The following SPRY3 variants were observed in gnomAD, a reference collection of about 807,000 sequenced individuals.
SPRY3 encodes protein sprouty homolog 3.
In SPRY3, 15 loss-of-function variants were observed where a neutral mutation model predicts 20.2. The ratio of observed to expected loss-of-function variants is 0.74; its 90% CI spans 0.50 to 1.14. The LOEUF is 1.14. SPRY3 is among the 50% of genes most tolerant of loss of function. The pLI, the probability that SPRY3 is intolerant of heterozygous loss-of-function variation, is 0.00. For synonymous variants in SPRY3, 143 were observed against 136.5 expected, an observed-to-expected ratio of 1.05 and a Z score of -0.33; for missense variants, 364 against 363.9, an observed-to-expected ratio of 1.00 and a Z score of 0.00.
At chrX:155,733,311 G>T (rs2091146567) in intron 2 of SPRY3, among the ~76,000 whole-genome samples, 1 of 149,724 alleles carries the variant, frequency 6.7e-6, no homozygotes, top group African/African-American at 2.5e-5. Flanking sequence ...CATAGTAGGT[G>T]GGTATGTATA....
At chrX:155,650,490 C>A (rs1335647010) in intron 1 of SPRY3, among the ~76,000 whole-genome samples, 1 of 111,265 alleles carries the variant, frequency 9.0e-6, no homozygotes, top group Non-Finnish European at 1.9e-5. Flanking sequence ...GATTTATGAC[C>A]CAGCATATGC....
chrX:155,754,933 A>C (rs945759319), intron 2 of SPRY3, among the ~76,000 whole-genome samples: 1 of 151,392 alleles, frequency 6.6e-6, no homozygotes, highest in Non-Finnish European at 1.5e-5. Context: ...ATATTGATTA[A>C]TCTTGTATAT....
At chrX:155,750,736 G>A (rs766954297) in intron 2 of SPRY3, among the ~76,000 whole-genome samples, 1 of 151,970 alleles carries the variant, frequency 6.6e-6, no homozygotes, top group African/African-American at 2.4e-5. Context: ...GGAGAGAGCA[G>A]ATGGTATAAA....
intron 1 of SPRY3, among the ~76,000 whole-genome samples, chrX:155,616,980 G>C (rs1557348957): frequency 9.2e-6 from 1 of 108,786 alleles, no homozygotes; most frequent in African/African-American, 3.4e-5. Context: ...ATTGGATTAG[G>C]ATAATTTATA....
intron 2 of SPRY3, among the ~76,000 whole-genome samples, chrX:155,676,122 C>T (rs1557355211): frequency 9.0e-6 from 1 of 110,854 alleles, no homozygotes; most frequent in East Asian, 2.8e-4. Flanking sequence ...GTGCCTCTCT[C>T]ATTCTCCATG....
chrX:155,756,393 G>A (rs1400064912), intron 2 of SPRY3, among the ~76,000 whole-genome samples: 2 of 152,088 alleles, frequency 1.3e-5, no homozygotes, highest in Non-Finnish European at 2.9e-5. Context: ...ACACCATGTG[G>A]CCAGGTGCTT....
intron 2 of SPRY3, among the ~76,000 whole-genome samples, chrX:155,755,595 A>G (rs2124586764): frequency 6.6e-6 from 1 of 152,250 alleles, no homozygotes; most frequent in East Asian, 1.9e-4. Context: ...TTATGTATAT[A>G]AAATACCTGA....
chrX:155,679,732 C>T (rs900796857), intron 2 of SPRY3, among the ~76,000 whole-genome samples: 1 of 111,813 alleles, frequency 8.9e-6, no homozygotes, highest in South Asian at 3.7e-4. Context: ...TACTAGCAGT[C>T]TGTATTAGCC....
At chrX:155,758,539 G>A (rs1265202035) in intron 2 of SPRY3, among the ~76,000 whole-genome samples, 7 of 152,278 alleles carry the variant, frequency 4.6e-5, no homozygotes, top group African/African-American at 1.4e-4. Context: ...GCTGAATCAG[G>A]ATGTCCACAG....
chrX:155,768,459 C>G (rs1451719942), intron 3 of SPRY3, among the ~76,000 whole-genome samples: 1 of 152,108 alleles, frequency 6.6e-6, no homozygotes, highest in Non-Finnish European at 1.5e-5. Context: ...CTAAACCCCT[C>G]AAAACGCAGC....
intron 2 of SPRY3, among the ~76,000 whole-genome samples, chrX:155,728,321 G>T: frequency 6.6e-6 from 1 of 152,296 alleles, no homozygotes; most frequent in African/African-American, 2.4e-5. Context: ...ACGCCATACT[G>T]TGAGAACCAC....
chrX:155,778,434 TATG>T (rs1315765549), downstream of SPRY3: 8 of 167,070 alleles, frequency 4.8e-5, no homozygotes, highest in African/African-American at 1.7e-4. Context: ...TTTCTTAGCT[TATG>T]ATGTAGAGCT....
chrX:155,680,585 G>C (rs768999277), intron 2 of SPRY3, among the ~76,000 whole-genome samples: 6 of 111,298 alleles, frequency 5.4e-5, no homozygotes, highest in South Asian at 3.8e-4. Context: ...TGGCAGGAAA[G>C]AGATGATCAG....
At chrX:155,762,936 C>A (rs1249366185) in intron 2 of SPRY3, among the ~76,000 whole-genome samples, 1 of 152,130 alleles carries the variant, frequency 6.6e-6, no homozygotes, top group African/African-American at 2.4e-5. Context: ...CAGCACTATT[C>A]ACAATGGCAA....
intron 2 of SPRY3, among the ~76,000 whole-genome samples, chrX:155,704,807 T>A (rs1028122970): frequency 2.6e-5 from 4 of 151,332 alleles, no homozygotes; most frequent in African/African-American, 7.3e-5. Flanking sequence ...AAAAAGATAA[T>A]AACAGCAGAC....
rs181808341 is a variant in SPRY3 at position 155,741,857 on chromosome X, G to A, written c.-281-26105G>A. Among the ~76,000 whole-genome samples, 1,420 of 152,162 alleles carry A rather than the reference G, an allele frequency of 9.3e-3. 26 individuals are homozygous for A. The highest frequency in any genetic ancestry group is 0.033 in the African/African-American group (1,353 of 41,496). On this transcript the variant is annotated intron_variant, in intron 2 of 3. Transcript: ENST00000675360. ...GCTCCTGAAGGAAGCACTAAATATG[G>A]AAAGGAAAAATCTTTGCCAGCCACT...
At chrX:155,773,308 A>C (rs2785887) in intron 3 of SPRY3, among the ~76,000 whole-genome samples, 1 of 47,608 alleles carries the variant, frequency 2.1e-5, no homozygotes, top group South Asian at 7.3e-4. Flanking sequence ...TTTTGATTGG[A>C]TATATATATA....
Position 155,691,892 on chromosome X carries a change from T to C in SPRY3, c.-282+34867T>C, listed in dbSNP as rs895577944. The stretch of plus-strand genomic sequence containing the variant: ...TGTACTCTAGATTTTTTTATTTCCA[T>C]CTAACTATATGTTTTTTAAGATGGG... On this transcript the variant is annotated intron_variant, in intron 2 of 3. Transcript: ENST00000675360. 1.5e-4 allele frequency among the ~76,000 whole-genome samples: 13 copies of C among 87,570 alleles called. 3 individuals are homozygous for C. Among genetic ancestry groups the C allele is most frequent in the Non-Finnish European group, 2.3e-4 (11 of 46,826 alleles). 76.0% of individuals were successfully genotyped at this position (87,570 alleles called of 115,157 possible).
At chrX:155,703,905 A>G (rs1218747124) in intron 2 of SPRY3, among the ~76,000 whole-genome samples, 1 of 151,908 alleles carries the variant, frequency 6.6e-6, no homozygotes, top group Non-Finnish European at 1.5e-5. Flanking sequence ...CAAATTCTCT[A>G]TAAAAATTTG....
Sources: gnomAD v4.1 joint callset for allele counts (sites outside exome capture counted in the v4.1 genomes callset) on GRCh38, gnomAD v4.1.1 for gene constraint, MANE v1.5 for transcripts, NCBI Gene and HGNC (gene_info 2026-07-23, HGNC 2026-07-21) for gene names.